Variants in NRIP3 observed in about 807,000 individuals in gnomAD.
NRIP3 encodes the protein nuclear receptor interacting protein 3.
Under a neutral mutation model 29.0 loss-of-function variants are expected in NRIP3, and 31 were observed. The ratio of observed to expected loss-of-function variants is 1.07; its 90% CI spans 0.80 to 1.44. NRIP3 has a LOEUF of 1.44. Ranked by LOEUF, NRIP3 falls within the 40% of genes most tolerant of loss-of-function variation. The pLI, the probability that NRIP3 is intolerant of heterozygous loss-of-function variation, is 0.00. For synonymous variants in NRIP3, 131 were observed against 118.3 expected, an observed-to-expected ratio of 1.11 and a Z score of -0.70; for missense variants, 314 against 297.9, an observed-to-expected ratio of 1.05 and a Z score of -0.40.
rs752916054 is a variant in NRIP3 at position 8,987,582 on chromosome 11, TATA to T, written c.385_387del (p.Tyr129del). ...TCCACACAGGCCAAAGAGATGAGATTATATAGGCAGCCTGTGTCAACCAAGGCT... is the reference window on the plus strand; with the variant it reads ...TCCACACAGGCCAAAGAGATGAGATTTAGGCAGCCTGTGTCAACCAAGGCT... On this transcript the variant is annotated inframe_deletion, in exon 3 of 7. Coordinates refer to ENST00000309166, the MANE Select transcript of NRIP3 (RefSeq NM_020645.3). The T allele has an allele frequency of 1.2e-6, 2 of 1,614,038 alleles. No homozygotes were observed. Among genetic ancestry groups the T allele is most frequent in the Admixed American group, 3.3e-5 (2 of 60,024 alleles).
At chr11:8,993,990 T>C (rs1854656662) in intron 1 of NRIP3, among the ~76,000 whole-genome samples, 1 of 152,116 alleles carries the variant, frequency 6.6e-6, no homozygotes, top group Non-Finnish European at 1.5e-5. Context: ...ATATACCCCA[T>C]GTAGCAGAAA....
Position 8,983,563 on chromosome 11 carries a change from G to A in NRIP3, c.711-3C>T. ...GCTGTAGTTATGCTTCTGAAGTGCT[G>A]AAATGAGAAATAAATATCAGGAGAA... On this transcript the variant is annotated splice_region_variant and splice_polypyrimidine_tract_variant and intron_variant, in intron 6 of 6. Coordinates refer to ENST00000309166, the MANE Select transcript of NRIP3 (RefSeq NM_020645.3). 1.2e-6 allele frequency: 2 copies of A among 1,613,270 alleles called. No individual in the cohort carries two copies. The highest frequency in any genetic ancestry group is 2.2e-5 in the East Asian group (1 of 44,876).
At chr11:9,002,643 C>T (rs954578909) in intron 1 of NRIP3, among the ~76,000 whole-genome samples, 19 of 149,162 alleles carry the variant, frequency 1.3e-4, no homozygotes, top group African/African-American at 4.7e-4. Context: ...AAGCTCTGCC[C>T]TCCTGGGGCC....
At position 8,985,740 on chromosome 11, in the gene NRIP3, A is replaced by T; in HGVS notation, c.533T>A (p.Leu178His). 6.2e-7 allele frequency: 1 copy of T among 1,614,100 alleles called. No individual in the cohort carries two copies. The highest frequency in any genetic ancestry group is 1.1e-5 in the South Asian group (1 of 91,074). Residue 178 changes from leucine to histidine, a missense_variant, in exon 4 of 7, where the codon CTC (leucine) becomes CAC (histidine). Transcript: ENST00000309166. Reference sequence around the variant, plus strand: ...CACAGCTGCTGGGCAGTCCAGGCGGAGGGAGCCCAGTGTGATCACTAGGTG... The same window carrying T: ...CACAGCTGCTGGGCAGTCCAGGCGGTGGGAGCCCAGTGTGATCACTAGGTG... ...IEHLVITLGS[L>H]RLDCPAAVVD...
chr11:8,993,019 A>T (rs1349748271), intron 1 of NRIP3, among the ~76,000 whole-genome samples: 1 of 152,238 alleles, frequency 6.6e-6, no homozygotes, highest in Non-Finnish European at 1.5e-5. Flanking sequence ...ACTGAAAGAT[A>T]TGCATGCTTC....
chr11:8,985,775 G>A lies in NRIP3; in HGVS notation c.498C>T (p.Gly166=), dbSNP rs1854511434. The A allele has an allele frequency of 6.2e-7, 1 of 1,614,086 alleles. No homozygotes were observed. Among genetic ancestry groups the A allele is most frequent in the Middle Eastern group, 1.7e-4 (1 of 6,058 alleles). ...LSLPRHLKVV[G]QIEHLVITLG... ...GTGTGATCACTAGGTGCTCAATCTG[G>A]CCCACTACTTTGAGATGCCGGGGTA... is the stretch of plus-strand genomic sequence containing the variant. Residue 166 remains glycine (G), a synonymous_variant, in exon 4 of 7, where the codon GGC becomes GGT. Coordinates refer to ENST00000309166, the MANE Select transcript of NRIP3 (RefSeq NM_020645.3).
At chr11:9,001,075 A>G (rs973992261) in intron 1 of NRIP3, among the ~76,000 whole-genome samples, 1 of 152,202 alleles carries the variant, frequency 6.6e-6, no homozygotes, top group African/African-American at 2.4e-5. Flanking sequence ...TCTTAAAAAA[A>G]AAATCAAATA....
In NRIP3 at chr11:8,982,897, G is replaced by T. The variant is rs769717201; in HGVS notation, c.*648C>A. On this transcript the variant is annotated 3_prime_UTR_variant, in exon 7 of 7. Coordinates refer to ENST00000309166, the MANE Select transcript of NRIP3 (RefSeq NM_020645.3). ...CTGTTAAAGGCTTGAATACAAATGA[G>T]GCAGCATGGGAGTCTTGGCTTGGAA... 12 of 450,862 alleles carry T rather than the reference G, an allele frequency of 2.7e-5. No individual in the cohort carries two copies. The highest frequency in any genetic ancestry group is 4.9e-5 in the Non-Finnish European group (11 of 225,026). 27.9% of individuals were successfully genotyped at this position (450,862 alleles called of 1,614,324 possible). A position where few individuals can be genotyped will look rare whatever the true frequency, so the allele number is the denominator to read the frequency against.
chr11:8,999,621 C>G, intron 1 of NRIP3, among the ~76,000 whole-genome samples: 1 of 152,200 alleles, frequency 6.6e-6, no homozygotes. Context: ...TGGCCTCCTA[C>G]TACATCTCTG....
Position 9,002,596 on chromosome 11 carries a change from TAAAAAAAAAA to T in NRIP3, c.174+1156_174+1165del, listed in dbSNP as rs10701323. Among the ~76,000 whole-genome samples, 186 of 101,246 alleles carry T rather than the reference TAAAAAAAAAA, an allele frequency of 1.8e-3. 1 individual carries two copies. Among genetic ancestry groups the T allele is most frequent in the South Asian group, 6.6e-3 (19 of 2,890 alleles). The allele number at this position is 101,246 out of a possible 152,430, so 66.4% of individuals were successfully genotyped here. Reference sequence around the variant, plus strand: ...CTGTGTATCATTAGAGCTGTTAAATTAAAAAAAAAAAAAAAAAAAAAAGGAAATGGATGCA... The same window carrying T: ...CTGTGTATCATTAGAGCTGTTAAATTAAAAAAAAAAAAGGAAATGGATGCA... On this transcript the variant is annotated intron_variant, in intron 1 of 6. Transcript: ENST00000309166.
chr11:8,991,145 C>G (rs1854593188), intron 1 of NRIP3, among the ~76,000 whole-genome samples: 1 of 151,908 alleles, frequency 6.6e-6, no homozygotes, highest in Non-Finnish European at 1.5e-5. Flanking sequence ...ACTAAAAATA[C>G]AAAAAATTAG....
chr11:8,985,315 G>A (rs1035662475), intron 4 of NRIP3, among the ~76,000 whole-genome samples: 8 of 151,786 alleles, frequency 5.3e-5, no homozygotes, highest in East Asian at 1.9e-4. Flanking sequence ...GACTACAGGC[G>A]CCCACCACCA....
intron 1 of NRIP3, among the ~76,000 whole-genome samples, chr11:8,991,930 G>C (rs1404822686): frequency 6.6e-6 from 1 of 152,178 alleles, no homozygotes; most frequent in Non-Finnish European, 1.5e-5. Flanking sequence ...TGACTGGCTG[G>C]AGTGGAGATG....
intron 1 of NRIP3, among the ~76,000 whole-genome samples, chr11:8,992,586 G>C (rs1016346624): frequency 3.3e-5 from 5 of 152,166 alleles, no homozygotes; most frequent in Non-Finnish European, 7.4e-5. Context: ...AACAGTAACA[G>C]TCAAAGCTAA....
chr11:8,998,444 G>C (rs1854744845), intron 1 of NRIP3, among the ~76,000 whole-genome samples: 1 of 152,162 alleles, frequency 6.6e-6, no homozygotes, highest in Non-Finnish European at 1.5e-5. Context: ...TTCACAAATG[G>C]GCAAGGAATT....
At chr11:9,004,072 G>GGGGGGC (rs1589967905), upstream of NRIP3, 1 of 799,980 alleles carries the variant, frequency 1.3e-6, no homozygotes, top group African/African-American at 1.8e-5. Flanking sequence ...GTGCGCGCGC[G>GGGGGGC]GGGGGCGGGG....
intron 1 of NRIP3, among the ~76,000 whole-genome samples, chr11:8,989,990 GT>G (rs1369302226): frequency 6.6e-6 from 1 of 152,072 alleles, no homozygotes; most frequent in African/African-American, 2.4e-5. Flanking sequence ...ACTTTATCTA[GT>G]TCTTAATCTT....
intron 2 of NRIP3, 124 bp downstream of exon 2, chr11:8,987,994 T>C (rs1854543394): frequency 3.6e-6 from 3 of 835,312 alleles, no homozygotes; most frequent in Non-Finnish European, 5.8e-6. Context: ...CAGTGTTGCA[T>C]GGAGTGCCCC....
At chr11:8,992,150 G>T (rs1438303869) in intron 1 of NRIP3, among the ~76,000 whole-genome samples, 1 of 152,200 alleles carries the variant, frequency 6.6e-6, no homozygotes, top group Non-Finnish European at 1.5e-5. Context: ...AAAATTAAAA[G>T]GCTGAGGAGT....
Sources: allele counts gnomAD v4.1 joint callset (sites outside exome capture counted in the v4.1 genomes callset), GRCh38; gene constraint gnomAD v4.1.1; transcripts MANE v1.5; gene names NCBI Gene and HGNC (gene_info 2026-07-23, HGNC 2026-07-21).